VPS13D: variants seen among roughly 807,000 people sequenced by gnomAD.
VPS13D encodes the protein vacuolar protein sorting 13 homolog D.
A neutral mutation model predicts 461.9 loss-of-function variants in VPS13D; 187 were observed. The observed-to-expected ratio is 0.40, with a 90% CI of 0.36 to 0.46. The LOEUF (loss-of-function observed/expected upper bound fraction) is 0.46. VPS13D is among the 20% of genes least tolerant of loss of function. The probability of loss-of-function intolerance (pLI) is 0.60; values close to 1 mark genes in which losing one functional copy is unlikely to be tolerated. For synonymous variants in VPS13D, 1,951 were observed against 1,986.3 expected (o/e 0.98, Z 0.47); for missense variants, 4,711 against 5,364.9 (o/e 0.88, Z 3.81).
At chr1:12,479,199 G>A (rs2100478207) in intron 67 of VPS13D, among the ~76,000 whole-genome samples, 1 of 152,338 alleles carries the variant, frequency 6.6e-6, no homozygotes, top group Admixed American at 6.5e-5. Context: ...AGACAAACAA[G>A]GATTTAGCAT....
At position 12,321,880 on chromosome 1, in the gene VPS13D, G is replaced by A; in HGVS notation, c.7620G>A (p.Met2540Ile). ...LSIVDPVQIQ[M>I]ELVGNSSYQN... The stretch of plus-strand genomic sequence containing the variant: ...TTGTGGATCCCGTACAAATTCAAAT[G>A]GAGTTGGTGGGGAATTCTTCTTATC... The change falls in exon 33 of 70, where the codon ATG becomes ATA. Residue 2540 changes from methionine to isoleucine, a missense_variant. Coordinates refer to ENST00000620676, the MANE Select transcript of VPS13D (RefSeq NM_015378.4). The A allele has an allele frequency of 6.2e-7, 1 of 1,613,642 alleles. No homozygotes were observed. The highest frequency in any genetic ancestry group is 1.1e-5 in the South Asian group (1 of 90,938).
chr1:12,484,964 G>T (rs939615816), intron 67 of VPS13D, among the ~76,000 whole-genome samples: 2 of 152,062 alleles, frequency 1.3e-5, no homozygotes, highest in African/African-American at 4.8e-5. Flanking sequence ...GCATGTGCAC[G>T]TGTACACACA....
chr1:12,335,052 A>G (rs1248698763), intron 38 of VPS13D, among the ~76,000 whole-genome samples: 1 of 152,152 alleles, frequency 6.6e-6, no homozygotes, highest in Non-Finnish European at 1.5e-5. Flanking sequence ...TGCTATCCCC[A>G]TTGTAATTCT....
intron 67 of VPS13D, among the ~76,000 whole-genome samples, chr1:12,486,551 A>G (rs1242503298): frequency 6.6e-6 from 1 of 152,202 alleles, no homozygotes; most frequent in Non-Finnish European, 1.5e-5. Context: ...GGAAAAGTGC[A>G]GACGGTGCAC....
intron 21 of VPS13D, among the ~76,000 whole-genome samples, chr1:12,285,422 C>G (rs1641939000): frequency 6.6e-6 from 1 of 151,648 alleles, no homozygotes; most frequent in African/African-American, 2.4e-5. Flanking sequence ...TCCTGAGTAG[C>G]TGGGATTACA....
chr1:12,368,012 C>T (rs1247443522), intron 52 of VPS13D, among the ~76,000 whole-genome samples: 1 of 152,160 alleles, frequency 6.6e-6, no homozygotes, highest in Admixed American at 6.5e-5. Flanking sequence ...CTAAAGTGAT[C>T]CTCCCACCTT....
In VPS13D at chr1:12,299,694, GCAAA is replaced by G. The variant is rs1269406360; in HGVS notation, c.6216+316_6216+319del. Among the ~76,000 whole-genome samples the G allele has an allele frequency of 1.3e-5, 2 of 152,046 alleles. No individual in the cohort carries two copies. The highest frequency in any genetic ancestry group is 4.8e-5 in the African/African-American group (2 of 41,392). On this transcript the variant is annotated intron_variant, in intron 25 of 69. Coordinates refer to ENST00000620676, the MANE Select transcript of VPS13D (RefSeq NM_015378.4). This position sits in a 1 kb window ranked among gnomAD's most constrained non-coding sequence, Gnocchi z 4.2. ...TAAATGTAGGTAGTAACTTGTTTTA[GCAAA>G]CAAACCAATGGAATCAACCTTCCAT...
rs181069202 is a variant in VPS13D at position 12,453,274 on chromosome 1, G to A, written c.12334-2724G>A. Among the ~76,000 whole-genome samples, 43 of 152,266 alleles carry A rather than the reference G, an allele frequency of 2.8e-4. No homozygotes were observed. The East Asian group carries it at 5.8e-3, about 20-fold the overall frequency. ...TAGATTATTCTCCCATATTCTCTTG[G>A]TGGGGGAGTATTATAGGATTTTTAA... On this transcript the variant is annotated intron_variant, in intron 65 of 69. Transcript: ENST00000620676.
At chr1:12,376,748 G>C (rs1644204172) in intron 55 of VPS13D, among the ~76,000 whole-genome samples, 1 of 152,220 alleles carries the variant, frequency 6.6e-6, no homozygotes, top group African/African-American at 2.4e-5. Flanking sequence ...GTGGTACCCT[G>C]ATGTGTCTGA....
chr1:12,400,043 T>C (rs1227255882), intron 60 of VPS13D, 138 bp from the exon 61 acceptor site: 3 of 883,822 alleles, frequency 3.4e-6, no homozygotes, highest in Non-Finnish European at 5.2e-6. Flanking sequence ...TTTTGTGAAC[T>C]GCTATTGAGA....
At chr1:12,474,962 T>TA (rs1645611214) in intron 67 of VPS13D, among the ~76,000 whole-genome samples, 1 of 152,178 alleles carries the variant, frequency 6.6e-6, no homozygotes, top group Non-Finnish European at 1.5e-5. Context: ...TTTTTTTTTT[T>TA]TAAGTTTTAG....
At position 12,415,151 on chromosome 1, in the gene VPS13D, C is replaced by A. The variant is rs2100229888; in HGVS notation, c.12095C>A (p.Pro4032Gln). 2.5e-6 allele frequency: 4 copies of A among 1,613,964 alleles called. No individual in the cohort carries two copies. Residue 4032 changes from proline (P) to glutamine (Q), a missense_variant, in exon 64 of 70, where the codon CCA becomes CAA. By Grantham distance (76) the Pro-to-Gln change is moderately conservative. Around this residue, in one of 3 missense-constraint regions of VPS13D, gnomAD observed 4,411 missense variants for 4,937.8 expected, o/e 0.89. Transcript: ENST00000620676. ...GAAGACGCTGTGATTAATCTAGATC[C>A]ATTCACTCGGGTACATCCCTATGAG... is the stretch of plus-strand genomic sequence containing the variant. ...RFEDAVINLD[P>Q]FTRVHPYETK...
rs368255830 is a variant in VPS13D at position 12,363,087 on chromosome 1, G to A, written c.10288G>A (p.Glu3430Lys). The change falls in exon 52 of 70, where the codon GAA (glutamate) becomes AAA (lysine). Residue 3430 changes from glutamate (E) to lysine (K), a missense_variant. By Grantham distance (56) the Glu-to-Lys change is moderately conservative. Coordinates refer to ENST00000620676, the MANE Select transcript of VPS13D (RefSeq NM_015378.4). Reference sequence around the variant, plus strand: ...TGTGTTTTAGGGAACAGCCAATCCCGAAGGTTACATTTCCACCCTTCCTGG... The same window carrying A: ...TGTGTTTTAGGGAACAGCCAATCCCAAAGGTTACATTTCCACCCTTCCTGG... ...FARGQGTANPEGYISTLPGSS... is the reference protein window; with the variant it reads ...FARGQGTANPKGYISTLPGSS... 4.7e-5 allele frequency: 76 copies of A among 1,613,978 alleles called. No individual in the cohort carries two copies. Among genetic ancestry groups the A allele is most frequent in the Middle Eastern group, 1.6e-4 (1 of 6,084 alleles).
intron 37 of VPS13D, among the ~76,000 whole-genome samples, chr1:12,331,053 C>T (rs919913065): frequency 3.3e-5 from 5 of 152,192 alleles, no homozygotes; most frequent in Non-Finnish European, 7.3e-5. Context: ...TCAATAATAT[C>T]GCAAGCATTT....
rs552274557 is a variant in VPS13D at position 12,245,452 on chromosome 1, C to T, written c.447+835C>T. The stretch of plus-strand genomic sequence containing the variant: ...GTTTTATTGAGATATAGTTCTTATG[C>T]CAGAAAGTTCAGTCTTTTAAAGTGT... On this transcript the variant is annotated intron_variant, in intron 5 of 69. Transcript: ENST00000620676. Among the ~76,000 whole-genome samples, 13 of 152,214 alleles carry T rather than the reference C, an allele frequency of 8.5e-5. 1 individual carries two copies. The East Asian group carries it at 2.1e-3, about 25-fold the overall frequency.
chr1:12,433,574 A>G (rs1474912654), intron 65 of VPS13D, among the ~76,000 whole-genome samples: 1 of 152,238 alleles, frequency 6.6e-6, no homozygotes, highest in African/African-American at 2.4e-5. Context: ...AGCTGGGGTC[A>G]TTCCAAGTTC....
In VPS13D at chr1:12,415,172, A is replaced by G. The variant is rs150311847; in HGVS notation, c.12116A>G (p.Tyr4039Cys). Residue 4039 changes from tyrosine to cysteine, a missense_variant, in exon 64 of 70, where the codon TAT becomes TGT. Physicochemically the swap from Tyr to Cys is radical, Grantham distance 194. Around this residue, in one of 3 missense-constraint regions of VPS13D, gnomAD observed 4,411 missense variants for 4,937.8 expected, o/e 0.89. Coordinates refer to ENST00000620676, the MANE Select transcript of VPS13D (RefSeq NM_015378.4). Reference protein sequence around the residue: ...NLDPFTRVHPYETKEFIINDI... With the variant: ...NLDPFTRVHPCETKEFIINDI... Reference sequence around the variant, plus strand: ...GATCCATTCACTCGGGTACATCCCTATGAGACCAAGGAGTTCATCATCAAT... The same window carrying G: ...GATCCATTCACTCGGGTACATCCCTGTGAGACCAAGGAGTTCATCATCAAT... 5.4e-5 allele frequency: 87 copies of G among 1,614,038 alleles called. No homozygotes were observed. Among genetic ancestry groups the G allele is most frequent in the Non-Finnish European group, 6.7e-5 (79 of 1,180,016 alleles).
intron 67 of VPS13D, among the ~76,000 whole-genome samples, chr1:12,496,004 G>A (rs773413024): frequency 7.2e-5 from 11 of 152,136 alleles, no homozygotes; most frequent in Non-Finnish European, 1.5e-4. Context: ...CCCCTCTACC[G>A]CCCTCCCCAC....
At chr1:12,310,239 A>G (rs1295238411) in intron 27 of VPS13D, among the ~76,000 whole-genome samples, 1 of 152,182 alleles carries the variant, frequency 6.6e-6, no homozygotes. Flanking sequence ...CACACTGCAC[A>G]CACAGCAACC....
Sources: gnomAD v4.1 joint callset for allele counts (sites outside exome capture counted in the v4.1 genomes callset) on GRCh38, gnomAD v4.1.1 for gene constraint, gnomAD v4.1.1 regional missense constraint, Gnocchi (gnomAD v3.1) non-coding constraint, MANE v1.5 for transcripts, NCBI Gene and HGNC (gene_info 2026-07-23, HGNC 2026-07-21) for gene names.